Variants in BBX observed in about 807,000 individuals in gnomAD.
BBX encodes the protein BBX high mobility group box domain containing.
Under a neutral mutation model 100.2 loss-of-function variants are expected in BBX, and 30 were observed. The ratio of observed to expected loss-of-function variants is 0.30; its 90% CI spans 0.22 to 0.41. The LOEUF (loss-of-function observed/expected upper bound fraction) is 0.41, where lower values mean the gene tolerates loss of function less well. BBX is among the 10% of genes least tolerant of loss of function. BBX has a pLI of 1.00. For synonymous variants in BBX, 376 were observed against 388.1 expected (o/e 0.97, Z 0.37); for missense variants, 1,023 against 1,129.8 (o/e 0.91, Z 1.35).
intron 3 of BBX, among the ~76,000 whole-genome samples, chr3:107,703,211 G>T (rs73206993): frequency 0.09 from 13,728 of 152,216 alleles, 800 homozygotes; most frequent in Admixed American, 0.13. Context: ...TAGAAATTTG[G>T]TGACTTTTTG....
rs1479100409 is a variant in BBX at position 107,615,571 on chromosome 3, A to G, written c.-83-30265A>G. ...CCATCACGATCTAATCACTACCTCA[A>G]AGGTTCAACTCCAAAAACCATAACC... On this transcript the variant is annotated intron_variant, in intron 2 of 17. Coordinates refer to ENST00000325805, the MANE Select transcript of BBX (RefSeq NM_001142568.3). Among the ~76,000 whole-genome samples, 3 of 152,078 alleles carry G rather than the reference A, an allele frequency of 2.0e-5. No homozygotes were observed. The East Asian group carries it at 5.8e-4, about 29-fold the overall frequency.
intron 4 of BBX, chr3:107,716,404 A>G (rs764724679): frequency 1.2e-5 from 7 of 600,942 alleles, no homozygotes; most frequent in Non-Finnish European, 1.7e-5. Flanking sequence ...AGGTTGCTAT[A>G]GAAACTAAGC....
intron 10 of BBX, among the ~76,000 whole-genome samples, chr3:107,765,700 T>G (rs1214218230): frequency 1.3e-5 from 2 of 152,214 alleles, no homozygotes; most frequent in Non-Finnish European, 2.9e-5. Context: ...GGCTGCCGAC[T>G]GCCTTTCCTC....
intron 2 of BBX, among the ~76,000 whole-genome samples, chr3:107,542,944 A>C (rs548162881): frequency 1.4e-3 from 214 of 151,716 alleles, no homozygotes; most frequent in Non-Finnish European, 2.7e-3. Context: ...CTTTTTCTCT[A>C]TTTGTGTTTC....
intron 3 of BBX, among the ~76,000 whole-genome samples, chr3:107,698,288 T>G (rs2060797074): frequency 6.6e-6 from 1 of 151,740 alleles, no homozygotes; most frequent in Admixed American, 6.6e-5. Flanking sequence ...CTTTTAAACT[T>G]TTACCATTTT....
At chr3:107,762,644 A>G (rs34840956) in intron 10 of BBX, among the ~76,000 whole-genome samples, 17,528 of 152,210 alleles carry the variant, frequency 0.12, 1,166 homozygotes, top group Admixed American at 0.16. Context: ...GCTGCAAAAC[A>G]TTTGTTTTGT....
rs757711192 is a variant in BBX, at chr3:107,728,973, A to C, written c.601+13A>C. ...TTTGGAATGGCTGGTGAGTTGAGAC[A>C]CTATTTCCACCTATTCTTTAAGGAC... On this transcript the variant is annotated intron_variant, in intron 6 of 17. Transcript: ENST00000325805. 7.5e-6 allele frequency: 12 copies of C among 1,610,652 alleles called. No individual in the cohort carries two copies. Among genetic ancestry groups the C allele is most frequent in the Admixed American group, 1.7e-5 (1 of 59,634 alleles).
chr3:107,575,919 C>T (rs1490229860), intron 2 of BBX, among the ~76,000 whole-genome samples: 4 of 151,944 alleles, frequency 2.6e-5, no homozygotes, highest in African/African-American at 9.7e-5. Flanking sequence ...GCCTGTAATC[C>T]CAGCATTTTA....
At chr3:107,706,120 T>G (rs2061383278) in intron 3 of BBX, among the ~76,000 whole-genome samples, 2 of 151,494 alleles carry the variant, frequency 1.3e-5, no homozygotes, top group Admixed American at 1.3e-4. Context: ...TCTCCTGGGT[T>G]CAAGCGATTC....
At chr3:107,711,033 T>A (rs911855388) in intron 4 of BBX, among the ~76,000 whole-genome samples, 1 of 152,234 alleles carries the variant, frequency 6.6e-6, no homozygotes, top group Admixed American at 6.5e-5. Flanking sequence ...ATCCGTGGCC[T>A]TCACAGCTTC....
chr3:107,732,879 A>G, intron 6 of BBX, 77 bp from the exon 7 acceptor site: 1 of 1,199,214 alleles, frequency 8.3e-7, no homozygotes, highest in Non-Finnish European at 1.2e-6. Flanking sequence ...GCTAGTCTTT[A>G]TGAGTATTCT....
intron 2 of BBX, among the ~76,000 whole-genome samples, chr3:107,551,918 G>A (rs2049716161): frequency 6.6e-6 from 1 of 152,198 alleles, no homozygotes; most frequent in Non-Finnish European, 1.5e-5. Flanking sequence ...AGAGGCTGAA[G>A]AAAGCCCTAT....
intron 2 of BBX, among the ~76,000 whole-genome samples, chr3:107,566,562 T>G (rs543516902): frequency 7.2e-5 from 11 of 151,944 alleles, no homozygotes; most frequent in South Asian, 4.1e-4. Flanking sequence ...TTTTGTTTTT[T>G]TTTTTTTTTG....
intron 3 of BBX, among the ~76,000 whole-genome samples, chr3:107,691,179 A>T (rs1466169060): frequency 6.6e-6 from 1 of 152,102 alleles, no homozygotes; most frequent in Non-Finnish European, 1.5e-5. Flanking sequence ...TAGTGCTGGG[A>T]TTACAGACAT....
intron 10 of BBX, among the ~76,000 whole-genome samples, chr3:107,766,527 C>T (rs7622304): frequency 3.4e-4 from 51 of 151,798 alleles, no homozygotes; most frequent in African/African-American, 9.4e-4. Flanking sequence ...TTGCTTTTGT[C>T]GCCAAAAAAG....
chr3:107,768,317 T>G (rs930572314), intron 10 of BBX, among the ~76,000 whole-genome samples: 1 of 152,218 alleles, frequency 6.6e-6, no homozygotes, highest in African/African-American at 2.4e-5. Flanking sequence ...GTATCCAGAT[T>G]TTAGCAAGAC....
chr3:107,721,870 C>A (rs747316173), intron 5 of BBX, among the ~76,000 whole-genome samples: 2 of 151,908 alleles, frequency 1.3e-5, no homozygotes, highest in African/African-American at 4.8e-5. Context: ...AATATATGTA[C>A]AAGCATTACA....
At chr3:107,619,053 A>C (rs1000043660) in intron 2 of BBX, among the ~76,000 whole-genome samples, 2 of 152,020 alleles carry the variant, frequency 1.3e-5, no homozygotes, top group African/African-American at 4.8e-5. Context: ...TTTTTACTCT[A>C]TATATTTTGT....
intron 2 of BBX, among the ~76,000 whole-genome samples, chr3:107,545,997 T>C (rs2107391610): frequency 6.6e-6 from 1 of 152,314 alleles, no homozygotes. Context: ...TTATCGTAGC[T>C]CAAAGGTGCT....
Sources: gnomAD v4.1 joint callset for allele counts (sites outside exome capture counted in the v4.1 genomes callset) on GRCh38, gnomAD v4.1.1 for gene constraint, MANE v1.5 for transcripts, NCBI Gene and HGNC (gene_info 2026-07-23, HGNC 2026-07-21) for gene names.